Variants in MRPL3 observed in about 807,000 individuals in gnomAD.
MRPL3 encodes the protein mitochondrial ribosomal protein L3.
A neutral mutation model predicts 44.3 loss-of-function variants in MRPL3; 43 were observed. The observed-to-expected ratio is 0.97, with a 90% CI of 0.76 to 1.25. The LOEUF (loss-of-function observed/expected upper bound fraction) is 1.25, where lower values mean the gene tolerates loss of function less well. Ranked by LOEUF, MRPL3 falls within the 50% of genes most tolerant of loss-of-function variation. The pLI is 0.00. For synonymous variants in MRPL3, 171 were observed against 152.3 expected (o/e 1.12, Z -0.91); for missense variants, 406 against 427.6 (o/e 0.95, Z 0.45).
intron 4 of MRPL3, among the ~76,000 whole-genome samples, chr3:131,497,334 C>T (rs187590267): frequency 3.3e-5 from 5 of 152,234 alleles, no homozygotes; most frequent in East Asian, 1.9e-4. Flanking sequence ...TGCTTATGCA[C>T]GTGGCATGTA....
At chr3:131,467,109 T>C (rs1933627285) in intron 9 of MRPL3, among the ~76,000 whole-genome samples, 1 of 152,108 alleles carries the variant, frequency 6.6e-6, no homozygotes. Flanking sequence ...GTGCCTAGCT[T>C]ATTACACTTA....
At chr3:131,494,446 G>C (rs540801898) in intron 4 of MRPL3, among the ~76,000 whole-genome samples, 2 of 152,250 alleles carry the variant, frequency 1.3e-5, no homozygotes, top group South Asian at 4.2e-4. Context: ...TTAAATTTTA[G>C]AATGGACTTC....
chr3:131,468,073 G>T lies in MRPL3; in HGVS notation c.894+18C>A. On this transcript the variant is annotated intron_variant, in intron 9 of 9. Coordinates refer to ENST00000264995, the MANE Select transcript of MRPL3 (RefSeq NM_007208.4). Reference sequence around the variant, plus strand: ...ACAAAAAAAAAAAAGGAAAAAAAAAGAAGACACTTATACTTACCTTTACTA... The same window carrying T: ...ACAAAAAAAAAAAAGGAAAAAAAAATAAGACACTTATACTTACCTTTACTA... The T allele has an allele frequency of 2.3e-5, 29 of 1,264,982 alleles. No homozygotes were observed. The highest frequency in any genetic ancestry group is 2.1e-4 in the Middle Eastern group (1 of 4,672). 78.4% of individuals were successfully genotyped at this position (1,264,982 alleles called of 1,614,324 possible).
At chr3:131,486,226 C>T (rs1468990405) in intron 6 of MRPL3, among the ~76,000 whole-genome samples, 3 of 151,690 alleles carry the variant, frequency 2.0e-5, no homozygotes, top group Admixed American at 2.0e-4. Flanking sequence ...ACCATAAAAA[C>T]CCTAGAAGAA....
chr3:131,475,483 T>C (rs1933834907), intron 6 of MRPL3, among the ~76,000 whole-genome samples: 2 of 152,132 alleles, frequency 1.3e-5, no homozygotes, highest in Admixed American at 6.5e-5. Flanking sequence ...TAGTGAGACC[T>C]CAAACTTAAA....
intron 3 of MRPL3, among the ~76,000 whole-genome samples, chr3:131,499,236 T>C (rs1055804314): frequency 6.6e-6 from 1 of 152,196 alleles, no homozygotes; most frequent in Non-Finnish European, 1.5e-5. Flanking sequence ...TTCATTTTCA[T>C]TGCTGTACAA....
chr3:131,502,647 C>T (rs1294661755), intron 1 of MRPL3, 83 bp downstream of exon 1: 5 of 1,195,780 alleles, frequency 4.2e-6, no homozygotes, highest in Non-Finnish European at 5.9e-6. Context: ...TCCTCCTCCA[C>T]CCAGGGGAGG....
chr3:131,489,880 A>T (rs1559828032), intron 5 of MRPL3, 101 bp downstream of exon 5: 1 of 646,258 alleles, frequency 1.5e-6, no homozygotes, highest in Non-Finnish European at 2.7e-6. Context: ...TAAGTGTTTG[A>T]GACTTTGCAT....
chr3:131,479,561 C>T (rs1040027396), intron 6 of MRPL3, among the ~76,000 whole-genome samples: 1 of 152,022 alleles, frequency 6.6e-6, no homozygotes, highest in Non-Finnish European at 1.5e-5. Flanking sequence ...AAGATGAAAT[C>T]GGGCCGGGCA....
chr3:131,467,060 T>C (rs1172304337), intron 9 of MRPL3, among the ~76,000 whole-genome samples: 1 of 152,098 alleles, frequency 6.6e-6, no homozygotes, highest in African/African-American at 2.4e-5. Flanking sequence ...AACTTTTAGA[T>C]TCTACATAAA....
At position 131,471,182 on chromosome 3, in the gene MRPL3, C is replaced by A. The variant is rs1395695367; in HGVS notation, c.727G>T (p.Val243Phe). The change falls in exon 7 of 10, where the codon GTT becomes TTT. Residue 243 changes from valine (V) to phenylalanine (F), a missense_variant. By Grantham distance (50) the Val-to-Phe change is conservative. Transcript: ENST00000264995. ...CTAGTTATACTCACACCAGTTGCAA[C>A]AGCTCCAGGTCTCCTGTGGGTTTTC... The part of the protein sequence containing the change: ...QTKTHRRPGA[V>F]ATGDIGRVWP... 1 of 1,611,452 alleles carries A rather than the reference C, an allele frequency of 6.2e-7. No individual in the cohort carries two copies.
chr3:131,467,238 GCGCACACACACA>G (rs1445232011), intron 9 of MRPL3, among the ~76,000 whole-genome samples: 5 of 133,794 alleles, frequency 3.7e-5, no homozygotes, highest in Non-Finnish European at 8.7e-5. Context: ...AGCCATACGC[GCGCACACACACA>G]CACATACACA....
chr3:131,500,401 A>C, intron 3 of MRPL3, 29 bp downstream of exon 3: 1 of 1,548,642 alleles, frequency 6.5e-7, no homozygotes, highest in Middle Eastern at 1.7e-4. Context: ...ACACATAGAT[A>C]TCTCTTACGT....
chr3:131,502,031 T>C (rs1185469761), intron 1 of MRPL3: 8 of 844,648 alleles, frequency 9.5e-6, no homozygotes, highest in Non-Finnish European at 1.4e-5. Context: ...TGTACCTTAA[T>C]AGTTTTACAT....
chr3:131,471,562 T>C (rs181692136), intron 6 of MRPL3, among the ~76,000 whole-genome samples: 9 of 152,270 alleles, frequency 5.9e-5, no homozygotes, highest in Non-Finnish European at 1.3e-4. Context: ...GAACAGGAGT[T>C]TTATCATCCT....
Position 131,501,424 on chromosome 3 carries a change from A to C in MRPL3, c.277+107T>G, listed in dbSNP as rs540922792. 234 of 1,006,054 alleles carry C rather than the reference A, an allele frequency of 2.3e-4. No homozygotes were observed. In the African/African-American group the frequency reaches 3.3e-3, roughly 14 times the overall value. The allele number at this position is 1,006,054 out of a possible 1,614,324, so 62.3% of individuals were successfully genotyped here. A position where few individuals can be genotyped will look rare whatever the true frequency, so the allele number is the denominator to read the frequency against. On this transcript the variant is annotated intron_variant, in intron 2 of 9. Coordinates refer to ENST00000264995, the MANE Select transcript of MRPL3 (RefSeq NM_007208.4). Reference sequence around the variant, plus strand: ...CAATAAAACACACGCAGCACATGAAAAATAAATTCAAGAAATGATAAATTA... The same window carrying C: ...CAATAAAACACACGCAGCACATGAACAATAAATTCAAGAAATGATAAATTA...
At chr3:131,492,562 C>T (rs74416152) in intron 4 of MRPL3, among the ~76,000 whole-genome samples, 5,843 of 152,188 alleles carry the variant, frequency 0.038, 379 homozygotes, top group African/African-American at 0.13. Flanking sequence ...AAGAATCTAA[C>T]GCTGCCACTG....
intron 6 of MRPL3, among the ~76,000 whole-genome samples, chr3:131,481,557 T>TA (rs1933987044): frequency 6.6e-6 from 1 of 152,214 alleles, no homozygotes; most frequent in African/African-American, 2.4e-5. Context: ...CCCATGCTTT[T>TA]AGCCACCACC....
chr3:131,468,106 T>G lies in MRPL3; in HGVS notation c.879A>C (p.Lys293Asn). Reference sequence around the variant, plus strand: ...TTATACTTACCTTTACTAAGCAATTTTTATGTCCAGGTACAGAGCCATTTA... The same window carrying G: ...TTATACTTACCTTTACTAAGCAATTGTTATGTCCAGGTACAGAGCCATTTA... ...IYVNGSVPGH[K>N]NCLVKVKDSK... is the part of the protein sequence containing the mutation. The change falls in exon 9 of 10, where the codon AAA (lysine) becomes AAC (asparagine). Residue 293 changes from lysine (K) to asparagine (N), a missense_variant. Physicochemically the swap from Lys to Asn is moderately conservative, Grantham distance 94. Transcript: ENST00000264995. 6.4e-7 allele frequency: 1 copy of G among 1,570,132 alleles called. No homozygotes were observed. Among genetic ancestry groups the G allele is most frequent in the Admixed American group, 2.0e-5 (1 of 51,178 alleles).
Sources: gnomAD v4.1 joint callset for allele counts (sites outside exome capture counted in the v4.1 genomes callset) on GRCh38, gnomAD v4.1.1 for gene constraint, MANE v1.5 for transcripts, NCBI Gene and HGNC (gene_info 2026-07-23, HGNC 2026-07-21) for gene names.